PSMA1: variants seen among roughly 807,000 people sequenced by gnomAD.
PSMA1 encodes the protein proteasome 20S subunit alpha 1, also known as proteasome subunit alpha type-1.
PSMA1 carries 3 observed loss-of-function variants against 38.4 expected under a neutral mutation model. The observed-to-expected ratio is 0.08, with a 90% CI of 0.04 to 0.20. The LOEUF (loss-of-function observed/expected upper bound fraction) is 0.20, where lower values mean the gene tolerates loss of function less well. Among genes scored for constraint, PSMA1 ranks in the 10% least tolerant of loss-of-function variants. The pLI, the probability that PSMA1 is intolerant of heterozygous loss-of-function variation, is 1.00. For synonymous variants in PSMA1, 101 were observed against 107.1 expected (o/e 0.94, Z 0.35); for missense variants, 227 against 325.3 (o/e 0.70, Z 2.32).
At chr11:14,573,686 T>G (rs1369890808) in intron 2 of PSMA1, among the ~76,000 whole-genome samples, 2 of 152,058 alleles carry the variant, frequency 1.3e-5, no homozygotes, top group East Asian at 3.9e-4. Flanking sequence ...GAGAAAGAAA[T>G]AAAGGGTATT....
intron 2 of PSMA1, among the ~76,000 whole-genome samples, chr11:14,596,529 G>T (rs920901470): frequency 2.0e-5 from 3 of 152,202 alleles, no homozygotes; most frequent in African/African-American, 7.2e-5. Context: ...GTTCACTCAT[G>T]ATTTGGCTCT....
chr11:14,547,634 G>A (rs1372448076), intron 2 of PSMA1, among the ~76,000 whole-genome samples: 1 of 152,040 alleles, frequency 6.6e-6, no homozygotes, highest in Non-Finnish European at 1.5e-5. Flanking sequence ...CCAGAGATTT[G>A]GACACACACT....
At chr11:14,610,780 G>A in intron 2 of PSMA1, 1 of 590,906 alleles carries the variant, frequency 1.7e-6, no homozygotes, top group South Asian at 2.3e-5. Context: ...ATGATTTGCT[G>A]GATTTGAGCA....
At chr11:14,587,063 A>G (rs1852354945) in intron 2 of PSMA1, among the ~76,000 whole-genome samples, 1 of 152,148 alleles carries the variant, frequency 6.6e-6, no homozygotes. Context: ...GCCATTCATC[A>G]TAGCCCCAAA....
At position 14,635,529 on chromosome 11, in the gene PSMA1, C is replaced by A. The variant is rs536352639; in HGVS notation, c.-166+7926G>T. Among the ~76,000 whole-genome samples the A allele has an allele frequency of 2.6e-5, 4 of 152,276 alleles. No individual in the cohort carries two copies. In the South Asian group the frequency reaches 8.3e-4, roughly 32 times the overall value. On this transcript the variant is annotated intron_variant, in intron 1 of 10. Transcript: ENST00000418988. Reference sequence around the variant, plus strand: ...ATACTCTTGCTTTTGCCTGAATTATCTGACTAGACATTAATAAAATTCTGT... The same window carrying A: ...ATACTCTTGCTTTTGCCTGAATTATATGACTAGACATTAATAAAATTCTGT...
chr11:14,553,270 C>A (rs1851906450), intron 2 of PSMA1, among the ~76,000 whole-genome samples: 1 of 152,002 alleles, frequency 6.6e-6, no homozygotes, highest in Non-Finnish European at 1.5e-5. Context: ...AACTATAGTA[C>A]AATATTAAAT....
chr11:14,514,165 T>G, intron 5 of PSMA1: 1 of 1,335,176 alleles, frequency 7.5e-7, no homozygotes, highest in Non-Finnish European at 9.6e-7. Context: ...TCTAGAACCA[T>G]TAAGAAACTT....
chr11:14,622,767 T>C (rs1170187579), intron 1 of PSMA1, among the ~76,000 whole-genome samples: 1 of 152,188 alleles, frequency 6.6e-6, no homozygotes, highest in Non-Finnish European at 1.5e-5. Context: ...CAGGCTGCAC[T>C]GCAAACAGAG....
intron 7 of PSMA1, among the ~76,000 whole-genome samples, chr11:14,512,907 T>C (rs1390105572): frequency 6.6e-6 from 1 of 152,192 alleles, no homozygotes. Context: ...AATCCTCTTT[T>C]CCCAAAGTTA....
chr11:14,631,728 T>C (rs1853014904), intron 1 of PSMA1, among the ~76,000 whole-genome samples: 1 of 152,210 alleles, frequency 6.6e-6, no homozygotes, highest in Non-Finnish European at 1.5e-5. Context: ...CCTTGTTGAC[T>C]TTCTGTCTCA....
chr11:14,623,504 C>T (rs1337195288), intron 1 of PSMA1, among the ~76,000 whole-genome samples: 5 of 152,054 alleles, frequency 3.3e-5, no homozygotes, highest in Non-Finnish European at 1.5e-5. Flanking sequence ...GCTGTCTGGT[C>T]GGGGCCTGGA....
intron 2 of PSMA1, among the ~76,000 whole-genome samples, chr11:14,558,267 A>AAG (rs1183736722): frequency 6.6e-6 from 1 of 151,184 alleles, no homozygotes; most frequent in East Asian, 1.9e-4. Context: ...AAAAAAAAAA[A>AAG]AAAATACTGT....
chr11:14,589,188 C>T (rs903149059), intron 2 of PSMA1, among the ~76,000 whole-genome samples: 2 of 152,092 alleles, frequency 1.3e-5, no homozygotes, highest in Non-Finnish European at 2.9e-5. Context: ...TCCCTGCATC[C>T]CTATTTAAAA....
At chr11:14,594,925 C>T (rs1390810754) in intron 2 of PSMA1, among the ~76,000 whole-genome samples, 1 of 143,030 alleles carries the variant, frequency 7.0e-6, no homozygotes, top group Non-Finnish European at 1.5e-5. Flanking sequence ...CAACCCCCAA[C>T]AGGCCCCAAT....
chr11:14,536,566 G>A (rs1851710453), intron 2 of PSMA1, among the ~76,000 whole-genome samples: 2 of 150,938 alleles, frequency 1.3e-5, no homozygotes, highest in African/African-American at 4.9e-5. Context: ...AAAAAACTCA[G>A]ATATTTCTTC....
upstream of PSMA1, among the ~76,000 whole-genome samples, chr11:14,523,790 C>T (rs560308657): frequency 1.3e-5 from 2 of 151,458 alleles, no homozygotes; most frequent in East Asian, 1.9e-4. Flanking sequence ...ACTTTGTTGC[C>T]CAGGTTGGTC....
At chr11:14,509,707 C>A (rs1851310210) in intron 8 of PSMA1, among the ~76,000 whole-genome samples, 1 of 143,318 alleles carries the variant, frequency 7.0e-6, no homozygotes, top group Admixed American at 7.0e-5. Context: ...GGCCCACAAA[C>A]CGGTTGTTTT....
At chr11:14,611,577 C>T (rs1852709137) in intron 1 of PSMA1, among the ~76,000 whole-genome samples, 1 of 152,120 alleles carries the variant, frequency 6.6e-6, no homozygotes, top group Non-Finnish European at 1.5e-5. Flanking sequence ...CTTAAACTGT[C>T]CTTAAAATCA....
intron 7 of PSMA1, 199 bp downstream of exon 7, chr11:14,513,371 G>T: frequency 3.9e-6 from 2 of 511,572 alleles, no homozygotes; most frequent in Non-Finnish European, 6.0e-6. Flanking sequence ...TTCTACTCGT[G>T]CTTGAAACTA....
Sources: allele counts gnomAD v4.1 joint callset (sites outside exome capture counted in the v4.1 genomes callset), GRCh38; gene constraint gnomAD v4.1.1; transcripts MANE v1.5; gene names NCBI Gene and HGNC (gene_info 2026-07-23, HGNC 2026-07-21).